Variants in THADA observed in about 807,000 individuals in gnomAD.
THADA encodes the protein tRNA (32-2'-O)-methyltransferase regulator THADA.
A neutral mutation model predicts 219.8 loss-of-function variants in THADA; 213 were observed. The ratio of observed to expected loss-of-function variants is 0.97; its 90% confidence interval spans 0.87 to 1.09. The LOEUF is 1.09. Among genes scored for constraint, THADA ranks in the 50% least tolerant of loss-of-function variants. The pLI is 0.00. For synonymous variants in THADA, 1,018 were observed against 828.9 expected, an observed-to-expected ratio of 1.23 and a Z score of -3.92; for missense variants, 2,956 against 2,311.3, an observed-to-expected ratio of 1.28 and a Z score of -5.72.
chr2:43,585,759 G>C (rs1325732030), intron 7 of THADA, among the ~76,000 whole-genome samples: 1 of 151,886 alleles, frequency 6.6e-6, no homozygotes, highest in East Asian at 1.9e-4. Flanking sequence ...AGTAACAGAG[G>C]ATATTTCACT....
At chr2:43,425,219 G>C (rs748543577) in intron 28 of THADA, among the ~76,000 whole-genome samples, 23 of 152,176 alleles carry the variant, frequency 1.5e-4, no homozygotes, top group Admixed American at 3.9e-4. Flanking sequence ...GGCAAATGAG[G>C]GTGATAACAC....
intron 7 of THADA, among the ~76,000 whole-genome samples, chr2:43,584,763 A>T (rs1389726415): frequency 6.6e-6 from 1 of 152,194 alleles, no homozygotes; most frequent in Non-Finnish European, 1.5e-5. Flanking sequence ...AATGGCTCAG[A>T]AACTGTTGGC....
In THADA at chr2:43,334,881, G is replaced by A. The variant is rs1666229631; in HGVS notation, c.4343+9241C>T. Among the ~76,000 whole-genome samples, 6 of 152,216 alleles carry A rather than the reference G, an allele frequency of 3.9e-5. 1 individual carries two copies. Among genetic ancestry groups the A allele is most frequent in the Admixed American group, 3.9e-4 (6 of 15,282 alleles). ...ATGGATTTCCCATAGAGAGCCCTGGGGCCATGAAGCCCCTCAACACAGGTG... is the reference window on the plus strand; with the variant it reads ...ATGGATTTCCCATAGAGAGCCCTGGAGCCATGAAGCCCCTCAACACAGGTG... On this transcript the variant is annotated intron_variant, in intron 30 of 37. Transcript: ENST00000405975.
intron 31 of THADA, among the ~76,000 whole-genome samples, chr2:43,316,726 G>A (rs552050613): frequency 2.0e-5 from 3 of 152,284 alleles, no homozygotes; most frequent in South Asian, 4.1e-4. Flanking sequence ...TTGGGAGTTC[G>A]AGACCAGCCT....
intron 29 of THADA, among the ~76,000 whole-genome samples, chr2:43,366,917 AC>A (rs1298717994): frequency 1.3e-5 from 2 of 152,168 alleles, no homozygotes; most frequent in African/African-American, 4.8e-5. Context: ...AGCATTATTC[AC>A]AATAGCCAAA....
intron 21 of THADA, among the ~76,000 whole-genome samples, chr2:43,537,918 C>T (rs549429570): frequency 5.5e-5 from 8 of 146,694 alleles, no homozygotes; most frequent in African/African-American, 7.6e-5. Flanking sequence ...CTAGCTTGGG[C>T]GCCAGAATGG....
At chr2:43,243,476 C>G (rs890309178) in intron 36 of THADA, among the ~76,000 whole-genome samples, 5 of 152,142 alleles carry the variant, frequency 3.3e-5, no homozygotes, top group Admixed American at 3.3e-4. Flanking sequence ...CTCACACAAC[C>G]GCAAACAGTC....
intron 29 of THADA, among the ~76,000 whole-genome samples, chr2:43,387,045 T>C (rs1672777652): frequency 6.6e-6 from 1 of 152,214 alleles, no homozygotes; most frequent in Admixed American, 6.5e-5. Flanking sequence ...TTTTATGTTC[T>C]GGGTTAAGTT....
chr2:43,312,088 A>G (rs1185646870), intron 31 of THADA, among the ~76,000 whole-genome samples: 1 of 151,982 alleles, frequency 6.6e-6, no homozygotes. Context: ...GCATAGTGGC[A>G]TGCGCCTGTG....
intron 28 of THADA, among the ~76,000 whole-genome samples, chr2:43,404,241 G>A (rs1261171461): frequency 6.6e-6 from 1 of 152,050 alleles, no homozygotes; most frequent in Non-Finnish European, 1.5e-5. Flanking sequence ...CACTCAGGCT[G>A]GAGTTCAGTG....
intron 36 of THADA, among the ~76,000 whole-genome samples, chr2:43,254,406 A>C (rs927408346): frequency 1.3e-5 from 2 of 151,790 alleles, no homozygotes; most frequent in African/African-American, 4.8e-5. Context: ...TGGAATTCTC[A>C]GTTACACGAT....
At chr2:43,452,710 GGCCC>G (rs1573721750) in intron 26 of THADA, among the ~76,000 whole-genome samples, 1 of 152,302 alleles carries the variant, frequency 6.6e-6, no homozygotes, top group East Asian at 1.9e-4. Context: ...CACTGAGTCA[GGCCC>G]ACCCACTGAA....
intron 36 of THADA, among the ~76,000 whole-genome samples, chr2:43,265,026 C>G (rs547787940): frequency 5.2e-5 from 8 of 152,384 alleles, no homozygotes; most frequent in African/African-American, 1.9e-4. Flanking sequence ...ACTGGGAATT[C>G]TGCTTCTGCA....
chr2:43,568,328 T>A (rs1433901429), intron 14 of THADA, among the ~76,000 whole-genome samples: 1 of 152,192 alleles, frequency 6.6e-6, no homozygotes, highest in East Asian at 1.9e-4. Flanking sequence ...ACTAATAGCC[T>A]CCTCTTCTCC....
At chr2:43,381,931 G>A (rs779627511) in intron 29 of THADA, among the ~76,000 whole-genome samples, 5 of 152,056 alleles carry the variant, frequency 3.3e-5, no homozygotes, top group Admixed American at 6.5e-5. Context: ...CCCTGGATAC[G>A]ACATGATGAG....
chr2:43,389,999 A>C (rs1160162829), intron 29 of THADA, among the ~76,000 whole-genome samples: 2 of 152,228 alleles, frequency 1.3e-5, no homozygotes, highest in Non-Finnish European at 2.9e-5. Flanking sequence ...ACAGTACCTG[A>C]CATAGTATGT....
intron 21 of THADA, among the ~76,000 whole-genome samples, chr2:43,538,737 AG>A (rs1226139482): frequency 2.0e-5 from 3 of 152,226 alleles, no homozygotes; most frequent in Admixed American, 2.0e-4. Flanking sequence ...GGTAACATCC[AG>A]GGTTCAGCTT....
intron 29 of THADA, among the ~76,000 whole-genome samples, chr2:43,375,169 C>A (rs571324972): frequency 4.6e-5 from 7 of 152,290 alleles, no homozygotes; most frequent in African/African-American, 1.7e-4. Context: ...AGCATCGTTG[C>A]CAATTATGCG....
chr2:43,278,963 A>G (rs1673034648), intron 36 of THADA, among the ~76,000 whole-genome samples: 1 of 152,166 alleles, frequency 6.6e-6, no homozygotes, highest in South Asian at 2.1e-4. Context: ...GCTGATCCAG[A>G]GACCTTTCCT....
Sources: allele counts gnomAD v4.1 joint callset (sites outside exome capture counted in the v4.1 genomes callset), GRCh38; gene constraint gnomAD v4.1.1; transcripts MANE v1.5; gene names NCBI Gene and HGNC (gene_info 2026-07-23, HGNC 2026-07-21).